Variants in RBFOX1 observed in about 807,000 individuals in gnomAD.
The protein encoded by RBFOX1 is RNA binding fox-1 homolog 1.
In RBFOX1, 8 loss-of-function variants were observed where a neutral mutation model predicts 57.7. That is an observed-to-expected ratio of 0.14 (90% CI 0.08 to 0.25). The LOEUF (loss-of-function observed/expected upper bound fraction) is 0.25, where lower values mean the gene tolerates loss of function less well. Among genes scored for constraint, RBFOX1 ranks in the 10% least tolerant of loss-of-function variants. The probability of loss-of-function intolerance (pLI) is 1.00; values close to 1 mark genes in which losing one functional copy is unlikely to be tolerated. For missense variants in RBFOX1, 611 were observed against 548.5 expected, an observed-to-expected ratio of 1.11 and a Z score of -1.14; for synonymous variants, 326 against 222.4, an observed-to-expected ratio of 1.47 and a Z score of -4.15.
chr16:5,496,637 C>A (rs1844381344), intron 2 of RBFOX1, among the ~76,000 whole-genome samples: 2 of 152,128 alleles, frequency 1.3e-5, no homozygotes, highest in African/African-American at 2.4e-5. Flanking sequence ...CAAGCAAACG[C>A]CCAATAAACG....
At chr16:7,184,420 A>G (rs2083317357) in intron 4 of RBFOX1, among the ~76,000 whole-genome samples, 1 of 152,210 alleles carries the variant, frequency 6.6e-6, no homozygotes, top group Non-Finnish European at 1.5e-5. Flanking sequence ...TGGTTATAGC[A>G]TATCCACAAA....
chr16:7,593,904 C>T (rs896196944), intron 7 of RBFOX1, among the ~76,000 whole-genome samples: 6 of 152,278 alleles, frequency 3.9e-5, no homozygotes, highest in Non-Finnish European at 8.8e-5. Flanking sequence ...TCCACATCCC[C>T]TGTCTTCTGT....
intron 3 of RBFOX1, among the ~76,000 whole-genome samples, chr16:6,991,397 C>T (rs1031417695): frequency 7.2e-5 from 11 of 152,282 alleles, no homozygotes; most frequent in Non-Finnish European, 1.5e-4. Context: ...TAATAAGCAA[C>T]ATTCCGTTTG....
At chr16:5,548,172 A>ATAGATAT (rs1442260697) in intron 2 of RBFOX1, among the ~76,000 whole-genome samples, 1 of 28,284 alleles carries the variant, frequency 3.5e-5, no homozygotes. Flanking sequence ...AAAAAAAAAA[A>ATAGATAT]AAATATATAT....
chr16:7,152,471 G>C (rs1207223039), intron 4 of RBFOX1, among the ~76,000 whole-genome samples: 1 of 152,176 alleles, frequency 6.6e-6, no homozygotes, highest in Non-Finnish European at 1.5e-5. Flanking sequence ...CTCCATTAAA[G>C]ATTTTATTTC....
intron 2 of RBFOX1, among the ~76,000 whole-genome samples, chr16:6,495,673 C>T (rs1386810749): frequency 6.6e-6 from 1 of 152,164 alleles, no homozygotes; most frequent in African/African-American, 2.4e-5. Context: ...CCTCTTATGG[C>T]TTTTGGATCT....
intron 3 of RBFOX1, among the ~76,000 whole-genome samples, chr16:6,953,530 G>A (rs1403518781): frequency 2.0e-5 from 3 of 151,898 alleles, no homozygotes; most frequent in African/African-American, 4.8e-5. Context: ...GGATTACGGG[G>A]GTGTGTCACC....
intron 1 of RBFOX1, among the ~76,000 whole-genome samples, chr16:6,084,322 C>T (rs2096055460): frequency 6.6e-6 from 1 of 152,164 alleles, no homozygotes; most frequent in African/African-American, 2.4e-5. Context: ...TGACTCACGG[C>T]AGCCTCGACC....
chr16:5,604,156 C>T (rs2047474231), downstream of RBFOX1, among the ~76,000 whole-genome samples: 1 of 152,174 alleles, frequency 6.6e-6, no homozygotes, highest in African/African-American at 2.4e-5. Flanking sequence ...ATTCCAGAGC[C>T]ATATTTCAAA....
intron 2 of RBFOX1, among the ~76,000 whole-genome samples, chr16:6,334,197 A>G (rs1231283798): frequency 6.6e-6 from 1 of 152,058 alleles, no homozygotes; most frequent in African/African-American, 2.4e-5. Flanking sequence ...CTCCACAGAG[A>G]AGTAGTTTTA....
chr16:7,510,842 G>A (rs1178960492), intron 4 of RBFOX1, among the ~76,000 whole-genome samples: 1 of 152,190 alleles, frequency 6.6e-6, no homozygotes, highest in Admixed American at 6.5e-5. Context: ...AGGAGCCGCT[G>A]CTTTCCTGGG....
At chr16:7,542,496 T>G (rs977836450) in intron 5 of RBFOX1, among the ~76,000 whole-genome samples, 11 of 149,080 alleles carry the variant, frequency 7.4e-5, no homozygotes, top group African/African-American at 2.5e-4. Flanking sequence ...AACAGAGAGA[T>G]AGAAAGAAAG....
chr16:5,917,601 G>A (rs990762101), intron 4 of RBFOX1, among the ~76,000 whole-genome samples: 2 of 152,168 alleles, frequency 1.3e-5, no homozygotes, highest in African/African-American at 4.8e-5. Flanking sequence ...CACTGGGTGT[G>A]TCCATGTGAG....
intron 7 of RBFOX1, among the ~76,000 whole-genome samples, chr16:7,587,503 T>A (rs1211455367): frequency 2.6e-5 from 4 of 152,192 alleles, no homozygotes; most frequent in African/African-American, 9.7e-5. Context: ...TAATTTTAAA[T>A]TGCTGTTTTA....
intron 1 of RBFOX1, among the ~76,000 whole-genome samples, chr16:6,241,168 C>T (rs915763022): frequency 6.6e-6 from 1 of 152,154 alleles, no homozygotes; most frequent in African/African-American, 2.4e-5. Flanking sequence ...AACGCCCCTG[C>T]CAGAGATAAA....
intron 2 of RBFOX1, among the ~76,000 whole-genome samples, chr16:5,512,841 G>T (rs555182153): frequency 1.3e-5 from 2 of 152,024 alleles, no homozygotes; most frequent in Non-Finnish European, 2.9e-5. Flanking sequence ...TTTCTGTTTT[G>T]GGATTGTATC....
intron 4 of RBFOX1, among the ~76,000 whole-genome samples, chr16:5,978,851 C>T (rs538071516): frequency 4.6e-5 from 7 of 152,196 alleles, no homozygotes; most frequent in African/African-American, 1.7e-4. Flanking sequence ...CATCATATAG[C>T]GAGAGCTACA....
intron 4 of RBFOX1, among the ~76,000 whole-genome samples, chr16:7,244,411 AT>A (rs1242027145): frequency 6.6e-6 from 1 of 152,170 alleles, no homozygotes; most frequent in Non-Finnish European, 1.5e-5. Flanking sequence ...TGAGCCAGCC[AT>A]TTCAGCACAC....
At chr16:5,672,299 C>A (rs1448647083) in intron 3 of RBFOX1, among the ~76,000 whole-genome samples, 2 of 152,146 alleles carry the variant, frequency 1.3e-5, no homozygotes, top group African/African-American at 2.4e-5. Context: ...GATCAATAAA[C>A]CTGCCCCAGG....
Sources: gnomAD v4.1 joint callset for allele counts (sites outside exome capture counted in the v4.1 genomes callset) on GRCh38, gnomAD v4.1.1 for gene constraint, MANE v1.5 for transcripts, NCBI Gene and HGNC (gene_info 2026-07-23, HGNC 2026-07-21) for gene names.